The following ABCA12 variants were observed in gnomAD, a reference collection of about 807,000 sequenced individuals.
The protein encoded by ABCA12 is ATP binding cassette subfamily A member 12.
Under a neutral mutation model 293.5 loss-of-function variants are expected in ABCA12, and 156 were observed. The observed-to-expected ratio is 0.53, with a 90% confidence interval of 0.47 to 0.61. The LOEUF (loss-of-function observed/expected upper bound fraction) is 0.61, where lower values mean the gene tolerates loss of function less well. ABCA12 is among the 20% of genes least tolerant of loss of function. ABCA12 has a pLI of 0.00. For synonymous variants in ABCA12, 1,063 were observed against 1,108.0 expected (o/e 0.96, Z 0.81); for missense variants, 2,797 against 3,090.2 (o/e 0.91, Z 2.25).
At chr2:215,134,455 C>T (rs1703146900) in intron 1 of ABCA12, among the ~76,000 whole-genome samples, 1 of 140,258 alleles carries the variant, frequency 7.1e-6, no homozygotes, top group Non-Finnish European at 1.5e-5. Flanking sequence ...TATATATGTA[C>T]ATATATGCAT....
intron 47 of ABCA12, chr2:214,948,017 T>A (rs986621569): frequency 1.0e-5 from 2 of 194,414 alleles, no homozygotes; most frequent in African/African-American, 4.8e-5. Flanking sequence ...ACATTAGGAA[T>A]CATGGGTTCT....
intron 22 of ABCA12, chr2:214,999,795 C>G (rs978653171): frequency 2.0e-6 from 2 of 984,778 alleles, no homozygotes; most frequent in Non-Finnish European, 2.4e-6. Context: ...TACCTGCTTC[C>G]TCATGCTACT....
chr2:215,026,232 G>A (rs189029970), intron 10 of ABCA12, among the ~76,000 whole-genome samples: 1 of 152,226 alleles, frequency 6.6e-6, no homozygotes, highest in Non-Finnish European at 1.5e-5. Flanking sequence ...TATTTTTGGT[G>A]TAGGAAAAAA....
At chr2:215,117,468 A>G (rs1366600793) in intron 1 of ABCA12, among the ~76,000 whole-genome samples, 1 of 152,260 alleles carries the variant, frequency 6.6e-6, no homozygotes, top group Non-Finnish European at 1.5e-5. Flanking sequence ...GCTAATCTGC[A>G]GTATCTATTA....
intron 24 of ABCA12, among the ~76,000 whole-genome samples, chr2:214,990,317 A>G (rs186580824): frequency 8.6e-4 from 131 of 152,302 alleles, no homozygotes; most frequent in Middle Eastern, 3.4e-3. Context: ...CCTTTAAGCT[A>G]TATTATATGT....
At chr2:214,993,423 C>A (rs1699968027) in intron 23 of ABCA12, among the ~76,000 whole-genome samples, 1 of 152,216 alleles carries the variant, frequency 6.6e-6, no homozygotes, top group Non-Finnish European at 1.5e-5. Flanking sequence ...TCCAGCAATT[C>A]TTTGCGTGTA....
chr2:215,125,042 C>T (rs1051573723), intron 1 of ABCA12, among the ~76,000 whole-genome samples: 4 of 152,160 alleles, frequency 2.6e-5, no homozygotes, highest in South Asian at 2.1e-4. Context: ...TATCCCAGCA[C>T]CATTTGTTGA....
chr2:215,011,739 G>C, intron 16 of ABCA12, 90 bp from the exon 17 acceptor site: 2 of 1,269,458 alleles, frequency 1.6e-6, no homozygotes, highest in Non-Finnish European at 2.3e-6. Flanking sequence ...ATAATACTTA[G>C]AGTATCCTTA....
At position 214,989,432 on chromosome 2, in the gene ABCA12, C is replaced by G. The variant is rs71428357; in HGVS notation, c.3726G>C (p.Pro1242=). 6.2e-7 allele frequency: 1 copy of G among 1,613,028 alleles called. No homozygotes were observed. Among genetic ancestry groups the G allele is most frequent in the South Asian group, 1.1e-5 (1 of 91,040 alleles). ...CAAATGAGGTGGTGTCATCCTGAAC[C>G]GGGGAGGTGTACATATTTTCCCACT... ...GLQWENMYTS[P]VQDDTTSFGW... Residue 1242 remains proline, a synonymous_variant, in exon 26 of 53, where the codon CCG becomes CCC. Transcript: ENST00000272895.
intron 13 of ABCA12, 29 bp from the exon 14 acceptor site, chr2:215,018,161 C>T (rs1260510053): frequency 6.2e-7 from 1 of 1,603,168 alleles, no homozygotes; most frequent in Non-Finnish European, 8.5e-7. Context: ...AAAAAGAAAA[C>T]CCATGTTGGT....
rs1700539873 is a variant in ABCA12 at position 215,017,820 on chromosome 2, G to C, written c.1782+188C>G. ...AAAATAAAGAGAAAAGGGACACATA[G>C]TGATAAAATTCTTGCTTCAGAATTT... is the stretch of plus-strand genomic sequence containing the variant. On this transcript the variant is annotated intron_variant, in intron 14 of 52. Transcript: ENST00000272895. 43 of 686,742 alleles carry C rather than the reference G, an allele frequency of 6.3e-5. No homozygotes were observed. The South Asian group carries it at 7.9e-4, about 13-fold the overall frequency. The allele number at this position is 686,742 out of a possible 1,614,324, so 42.5% of individuals were successfully genotyped here. A position where few individuals can be genotyped will look rare whatever the true frequency, so the allele number is the denominator to read the frequency against.
intron 2 of ABCA12, among the ~76,000 whole-genome samples, chr2:215,069,215 A>G (rs1389657301): frequency 2.6e-5 from 4 of 151,478 alleles, no homozygotes; most frequent in African/African-American, 9.8e-5. Flanking sequence ...GGAGTTACTC[A>G]TTTGAGAGCA....
intron 1 of ABCA12, among the ~76,000 whole-genome samples, chr2:215,114,420 G>A (rs913093233): frequency 6.6e-6 from 1 of 152,140 alleles, no homozygotes; most frequent in Non-Finnish European, 1.5e-5. Flanking sequence ...GCCATCCTAA[G>A]GTCCTGTAAT....
chr2:215,082,038 TA>T (rs1701952230), intron 2 of ABCA12, among the ~76,000 whole-genome samples: 1 of 128,084 alleles, frequency 7.8e-6, no homozygotes, highest in African/African-American at 2.9e-5. Flanking sequence ...CTGAAATTGT[TA>T]ATTCTTTTTT....
At chr2:215,136,169 T>C (rs1187556042) in intron 1 of ABCA12, among the ~76,000 whole-genome samples, 2 of 152,226 alleles carry the variant, frequency 1.3e-5, no homozygotes, top group African/African-American at 4.8e-5. Context: ...AACTAATGGC[T>C]CATGTATTCT....
chr2:215,058,599 G>A (rs1318466875), intron 3 of ABCA12, among the ~76,000 whole-genome samples: 1 of 151,960 alleles, frequency 6.6e-6, no homozygotes, highest in Non-Finnish European at 1.5e-5. Context: ...TCTGATTCCA[G>A]AAAATTCAAC....
At chr2:215,059,589 G>A (rs1013996368) in intron 3 of ABCA12, among the ~76,000 whole-genome samples, 11 of 151,920 alleles carry the variant, frequency 7.2e-5, no homozygotes, top group Admixed American at 6.6e-4. Context: ...AGACTTTGGA[G>A]TTAGTTATAG....
At chr2:215,039,666 A>T (rs1575003630) in intron 7 of ABCA12, among the ~76,000 whole-genome samples, 2 of 151,998 alleles carry the variant, frequency 1.3e-5, no homozygotes, top group East Asian at 3.9e-4. Flanking sequence ...GAGGTAGGAG[A>T]ATGGCATGAA....
At position 214,980,594 on chromosome 2, in the gene ABCA12, C is replaced by T; in HGVS notation, c.4629G>A (p.Leu1543=). Residue 1543 remains leucine, a synonymous_variant, in exon 31 of 53, where the codon CTG becomes CTA. Coordinates refer to ENST00000272895, the MANE Select transcript of ABCA12 (RefSeq NM_173076.3). The part of the protein sequence containing the change: ...STHHLDEAEV[L]SDRIAFLEQG... Reference sequence around the variant, plus strand: ...GCTCCAGGAAGGCGATGCGGTCACTCAGCACTTCAGCCTCGTCCAAGTGGT... The same window carrying T: ...GCTCCAGGAAGGCGATGCGGTCACTTAGCACTTCAGCCTCGTCCAAGTGGT... 1.9e-6 allele frequency: 3 copies of T among 1,614,068 alleles called. No individual in the cohort carries two copies. Among genetic ancestry groups the T allele is most frequent in the East Asian group, 2.2e-5 (1 of 44,876 alleles).
Sources: gnomAD v4.1 joint callset for allele counts (sites outside exome capture counted in the v4.1 genomes callset) on GRCh38, gnomAD v4.1.1 for gene constraint, MANE v1.5 for transcripts, NCBI Gene and HGNC (gene_info 2026-07-23, HGNC 2026-07-21) for gene names.